The following CEP85L variants were observed in gnomAD, a reference collection of about 807,000 sequenced individuals.
The protein encoded by CEP85L is centrosomal protein 85L.
Under a neutral mutation model 100.3 loss-of-function variants are expected in CEP85L, and 60 were observed. That is an observed-to-expected ratio of 0.60 (90% CI 0.49 to 0.74). CEP85L has a LOEUF of 0.74. CEP85L is among the 30% of genes least tolerant of loss of function. The pLI, the probability that CEP85L is intolerant of heterozygous loss-of-function variation, is 0.00. For missense variants in CEP85L, 973 were observed against 936.2 expected, an observed-to-expected ratio of 1.04 and a Z score of -0.51; for synonymous variants, 319 against 322.7, an observed-to-expected ratio of 0.99 and a Z score of 0.12.
At chr6:118,585,318 T>C (rs576707324) in intron 2 of CEP85L, among the ~76,000 whole-genome samples, 7 of 152,194 alleles carry the variant, frequency 4.6e-5, no homozygotes, top group Non-Finnish European at 8.8e-5. Context: ...CTCCTATAAA[T>C]ACCTCCAGGA....
At chr6:118,699,263 G>A (rs1038868757) in intron 1 of CEP85L, among the ~76,000 whole-genome samples, 4 of 151,616 alleles carry the variant, frequency 2.6e-5, no homozygotes, top group Non-Finnish European at 5.9e-5. Context: ...GATCAGCCTG[G>A]GCAACATAGC....
At chr6:118,515,746 C>G (rs1333321811) in intron 4 of CEP85L, among the ~76,000 whole-genome samples, 1 of 152,000 alleles carries the variant, frequency 6.6e-6, no homozygotes, top group Non-Finnish European at 1.5e-5. Context: ...TAAAGAAGAA[C>G]TTAGAAATTT....
chr6:118,627,198 CAAAAAAAAA>C (rs56203910), intron 2 of CEP85L, among the ~76,000 whole-genome samples: 1 of 72,578 alleles, frequency 1.4e-5, no homozygotes. Context: ...GACTCCATCT[CAAAAAAAAA>C]AAAAAAAAAA....
intron 2 of CEP85L, among the ~76,000 whole-genome samples, chr6:118,568,794 G>T (rs952154298): frequency 6.6e-6 from 1 of 152,082 alleles, no homozygotes. Context: ...CTGAGGGTTG[G>T]TTCTAAATAG....
At chr6:118,610,349 CTGCCACCATAG>C (rs1772525341) in intron 2 of CEP85L, among the ~76,000 whole-genome samples, 1 of 152,134 alleles carries the variant, frequency 6.6e-6, no homozygotes, top group African/African-American at 2.4e-5. Flanking sequence ...CACCCTAAAA[CTGCCACCATAG>C]TAGTATCCAA....
intron 1 of CEP85L, among the ~76,000 whole-genome samples, chr6:118,688,600 CT>C (rs1336771825): frequency 6.6e-6 from 1 of 152,144 alleles, no homozygotes; most frequent in Non-Finnish European, 1.5e-5. Flanking sequence ...TCGAATAAAC[CT>C]TTTGCAGTCT....
At chr6:118,688,702 T>G (rs1776926806) in intron 1 of CEP85L, among the ~76,000 whole-genome samples, 1 of 152,246 alleles carries the variant, frequency 6.6e-6, no homozygotes, top group African/African-American at 2.4e-5. Context: ...ATCTGTTTGA[T>G]GTAGCAGGTA....
intron 1 of CEP85L, among the ~76,000 whole-genome samples, chr6:118,661,134 C>T (rs988588316): frequency 6.6e-6 from 1 of 152,184 alleles, no homozygotes; most frequent in Non-Finnish European, 1.5e-5. Context: ...ATCTGCCCAC[C>T]TCAGCCTCCC....
intron 4 of CEP85L, 134 bp from the exon 5 acceptor site, chr6:118,511,549 A>C: frequency 1.7e-6 from 1 of 574,652 alleles, no homozygotes; most frequent in Admixed American, 3.2e-5. Context: ...GCTTTCTTCA[A>C]CAACTCATAG....
chr6:118,470,415 A>C (rs962579130), intron 11 of CEP85L, 122 bp downstream of exon 11: 2 of 485,902 alleles, frequency 4.1e-6, no homozygotes, highest in African/African-American at 4.0e-5. Flanking sequence ...GAAACAATGG[A>C]ATTAATTAAC....
chr6:118,586,125 A>C (rs1780845207), intron 2 of CEP85L, among the ~76,000 whole-genome samples: 1 of 152,174 alleles, frequency 6.6e-6, no homozygotes, highest in South Asian at 2.1e-4. Context: ...TAGAGACCCT[A>C]ATCCTCAGGA....
intron 2 of CEP85L, among the ~76,000 whole-genome samples, chr6:118,612,437 C>G (rs1192386317): frequency 6.6e-6 from 1 of 150,702 alleles, no homozygotes; most frequent in Non-Finnish European, 1.5e-5. Context: ...GCGGGTGGAT[C>G]ATGAGGTCAG....
intron 2 of CEP85L, among the ~76,000 whole-genome samples, chr6:118,623,914 C>A (rs957427827): frequency 6.6e-6 from 1 of 152,176 alleles, no homozygotes. Context: ...ATCTATGGAT[C>A]CCTTGTGGGA....
At chr6:118,587,524 G>A (rs928049611) in intron 2 of CEP85L, among the ~76,000 whole-genome samples, 2 of 152,122 alleles carry the variant, frequency 1.3e-5, no homozygotes, top group East Asian at 3.9e-4. Context: ...GTCTCCTTCT[G>A]GTTGGAAGTA....
intron 3 of CEP85L, among the ~76,000 whole-genome samples, chr6:118,541,299 G>A (rs983901355): frequency 6.6e-6 from 1 of 152,160 alleles, no homozygotes; most frequent in Non-Finnish European, 1.5e-5. Context: ...GCTATGCTAT[G>A]CAAGCTTTTA....
intron 1 of CEP85L, 61 bp from the exon 2 acceptor site, chr6:118,632,672 T>C: frequency 7.0e-6 from 10 of 1,426,762 alleles, no homozygotes; most frequent in Non-Finnish European, 9.4e-6. Context: ...GATTTTTTTT[T>C]TACCTTGTGG....
intron 3 of CEP85L, among the ~76,000 whole-genome samples, chr6:118,549,145 GTTA>G (rs71690448): frequency 0.011 from 1,693 of 152,008 alleles, 42 homozygotes; most frequent in African/African-American, 0.039. Flanking sequence ...ACTTTAAAAA[GTTA>G]TTTTGACACA....
chr6:118,606,970 T>C (rs957182148), intron 2 of CEP85L, among the ~76,000 whole-genome samples: 5 of 152,190 alleles, frequency 3.3e-5, no homozygotes, highest in African/African-American at 9.7e-5. Context: ...CTTACTCTTT[T>C]GCCGGCATGC....
In CEP85L at chr6:118,598,417, T is replaced by C. The variant is rs187443434; in HGVS notation, c.233-32101A>G. ...CTGTGAATGTGACCTTATTTGGAAA[T>C]AGGGTCTTTGCAGATGTAATCCGAG... On this transcript the variant is annotated intron_variant, in intron 2 of 12. Transcript: ENST00000368491. Among the ~76,000 whole-genome samples, 8 of 152,318 alleles carry C rather than the reference T, an allele frequency of 5.3e-5. No individual in the cohort carries two copies. The East Asian group carries it at 1.5e-3, about 29-fold the overall frequency.
Sources: gnomAD v4.1 joint callset for allele counts (sites outside exome capture counted in the v4.1 genomes callset) on GRCh38, gnomAD v4.1.1 for gene constraint, MANE v1.5 for transcripts, NCBI Gene and HGNC (gene_info 2026-07-23, HGNC 2026-07-21) for gene names.